PHACTR4: variants seen among roughly 807,000 people sequenced by gnomAD.
PHACTR4 encodes the protein phosphatase and actin regulator 4, also known as protein phosphatase 1, regulatory subunit 124.
PHACTR4 carries 51 observed loss-of-function variants against 72.7 expected under a neutral mutation model. The ratio of observed to expected loss-of-function variants is 0.70; its 90% CI spans 0.56 to 0.89. The LOEUF (loss-of-function observed/expected upper bound fraction) is 0.89. Ranked by LOEUF, PHACTR4 falls within the 40% of genes least tolerant of loss-of-function variation. PHACTR4 has a pLI of 0.00. For synonymous variants in PHACTR4, 255 were observed against 302.5 expected, an observed-to-expected ratio of 0.84 and a Z score of 1.63; for missense variants, 731 against 861.8, an observed-to-expected ratio of 0.85 and a Z score of 1.90.
At chr1:28,488,942 G>A (rs1351209335) in intron 9 of PHACTR4, among the ~76,000 whole-genome samples, 1 of 152,078 alleles carries the variant, frequency 6.6e-6, no homozygotes, top group East Asian at 1.9e-4. Flanking sequence ...CTAGAATCCT[G>A]GCCACTTGTT....
chr1:28,410,441 G>A (rs1235123547), intron 2 of PHACTR4, among the ~76,000 whole-genome samples: 1 of 152,118 alleles, frequency 6.6e-6, no homozygotes, highest in Admixed American at 6.5e-5. Flanking sequence ...TTCATTCTGA[G>A]TGACCTCCTT....
At chr1:28,401,554 G>A (rs778095180) in intron 1 of PHACTR4, among the ~76,000 whole-genome samples, 4 of 151,906 alleles carry the variant, frequency 2.6e-5, no homozygotes, top group Non-Finnish European at 4.4e-5. Flanking sequence ...CGATCTGCCC[G>A]CCTTGGCCTC....
rs1440261389 is a variant in PHACTR4, at chr1:28,498,338, A to G, written c.*1789A>G. On this transcript the variant is annotated 3_prime_UTR_variant, in exon 14 of 14. Coordinates refer to ENST00000373839, the MANE Select transcript of PHACTR4 (RefSeq NM_001048183.3). ...CTCTCCTGCTGCGTGCTTCCTCTTC[A>G]CTCCAGTGCTGATCCTCCTGCTCTC... 1.3e-5 allele frequency: 2 copies of G among 152,118 alleles called. No homozygotes were observed. Among genetic ancestry groups the G allele is most frequent in the Non-Finnish European group, 2.9e-5 (2 of 68,162 alleles). The allele number at this position is 152,118 out of a possible 1,614,324, so 9.4% of individuals were successfully genotyped here. A position where few individuals can be genotyped will look rare whatever the true frequency, so the allele number is the denominator to read the frequency against.
intron 3 of PHACTR4, 137 bp downstream of exon 3, chr1:28,459,395 CTTTTT>C (rs367934288): frequency 6.6e-3 from 1,852 of 280,508 alleles, no homozygotes; most frequent in Middle Eastern, 0.011. Context: ...TTTCCTTCTT[CTTTTT>C]TTTTTTTTTT....
At chr1:28,407,263 A>T in intron 1 of PHACTR4, 147 bp from the exon 2 acceptor site, 2 of 414,028 alleles carry the variant, frequency 4.8e-6, no homozygotes, top group East Asian at 7.5e-5. Context: ...AAAAAAAAAA[A>T]ACTATCATTT....
intron 2 of PHACTR4, among the ~76,000 whole-genome samples, chr1:28,416,131 C>G (rs1381639734): frequency 2.0e-5 from 3 of 152,108 alleles, no homozygotes; most frequent in Admixed American, 2.0e-4. Flanking sequence ...AGACAAAATA[C>G]AAGCTTAATT....
At chr1:28,377,465 C>G (rs1244160573) in intron 1 of PHACTR4, among the ~76,000 whole-genome samples, 1 of 151,512 alleles carries the variant, frequency 6.6e-6, no homozygotes, top group Non-Finnish European at 1.5e-5. Flanking sequence ...GTTTTGAACT[C>G]CTGACCTCAA....
intron 6 of PHACTR4, among the ~76,000 whole-genome samples, chr1:28,468,016 T>C (rs1659316163): frequency 6.6e-6 from 1 of 152,166 alleles, no homozygotes; most frequent in Admixed American, 6.6e-5. Flanking sequence ...ATAAAAACTA[T>C]ACTCATTAAA....
intron 1 of PHACTR4, among the ~76,000 whole-genome samples, chr1:28,375,331 C>A (rs868854357): frequency 6.5e-4 from 87 of 134,542 alleles, no homozygotes; most frequent in African/African-American, 2.1e-3. Context: ...ACCCACCCCC[C>A]CAAAAAAAAA....
chr1:28,451,427 G>C (rs780001866), intron 2 of PHACTR4, among the ~76,000 whole-genome samples: 16 of 149,196 alleles, frequency 1.1e-4, no homozygotes, highest in Non-Finnish European at 2.4e-4. Flanking sequence ...GGGTATTGCT[G>C]TGTTGCCCAG....
chr1:28,440,267 A>C (rs1316438244), intron 2 of PHACTR4, among the ~76,000 whole-genome samples: 1 of 133,536 alleles, frequency 7.5e-6, no homozygotes, highest in East Asian at 2.2e-4. Flanking sequence ...GTGCCACTGC[A>C]CTCCAGCCTG....
rs771435242 is a variant in PHACTR4 at position 28,466,529 on chromosome 1, C to T, written c.584C>T (p.Thr195Met). Reference sequence around the variant, plus strand: ...AAGGATGCCACTTCCTCTGGCGGCACGGCAAGGTTCATCATCTCCACCTCC... The same window carrying T: ...AAGGATGCCACTTCCTCTGGCGGCATGGCAAGGTTCATCATCTCCACCTCC... ...QAKDATSSGG[T>M]ARFIISTSIT... is the part of the protein sequence containing the mutation. Residue 195 changes from threonine to methionine, a missense_variant, in exon 6 of 14, where the codon ACG becomes ATG. Physicochemically the swap from Thr to Met is moderately conservative, Grantham distance 81. This residue lies in a region of PHACTR4 where 621 missense variants were observed against 676.6 expected (regional missense o/e 0.92). Transcript: ENST00000373839. 14 of 1,613,984 alleles carry T rather than the reference C, an allele frequency of 8.7e-6. No individual in the cohort carries two copies. Among genetic ancestry groups the T allele is most frequent in the African/African-American group, 2.7e-5 (2 of 74,878 alleles).
At chr1:28,417,405 A>C (rs1379851439) in intron 2 of PHACTR4, among the ~76,000 whole-genome samples, 1 of 152,248 alleles carries the variant, frequency 6.6e-6, no homozygotes, top group East Asian at 1.9e-4. Context: ...ACAATAACTA[A>C]TAATAAAATA....
rs765271793 is a variant in PHACTR4, at chr1:28,414,427, CA to C, written c.16+6986del. On this transcript the variant is annotated intron_variant, in intron 2 of 13. Transcript: ENST00000373839. ...TTTTGGGGTCAGTCTTCCTCTGTCTCAAAAAAAAAAAAAAAAAAAAAAGCAC... is the reference window on the plus strand; with the variant it reads ...TTTTGGGGTCAGTCTTCCTCTGTCTCAAAAAAAAAAAAAAAAAAAAAGCAC... 9.1e-3 allele frequency among the ~76,000 whole-genome samples: 560 copies of C among 61,212 alleles called. 3 individuals carry two copies. Among genetic ancestry groups the C allele is most frequent in the African/African-American group, 0.022 (446 of 20,144 alleles). 40.2% of individuals were successfully genotyped at this position (61,212 alleles called of 152,430 possible).
At chr1:28,441,763 C>T (rs529965596) in intron 2 of PHACTR4, among the ~76,000 whole-genome samples, 45 of 151,720 alleles carry the variant, frequency 3.0e-4, no homozygotes, top group African/African-American at 1.0e-3. Flanking sequence ...GGGAGGCTGA[C>T]GCAGGAGAAT....
At chr1:28,415,168 G>A (rs756258012) in intron 2 of PHACTR4, among the ~76,000 whole-genome samples, 1 of 151,812 alleles carries the variant, frequency 6.6e-6, no homozygotes, top group Non-Finnish European at 1.5e-5. Flanking sequence ...GGCTGAGGCA[G>A]GAGAATTGCT....
At chr1:28,454,601 C>T (rs1442844892) in intron 2 of PHACTR4, among the ~76,000 whole-genome samples, 1 of 152,084 alleles carries the variant, frequency 6.6e-6, no homozygotes, top group African/African-American at 2.4e-5. Context: ...ATACCTCTCT[C>T]AGTTACTGAT....
intron 8 of PHACTR4, 26 bp from the exon 9 acceptor site, chr1:28,480,425 C>T (rs754790876): frequency 1.2e-6 from 2 of 1,611,950 alleles, no homozygotes; most frequent in Non-Finnish European, 1.7e-6. Flanking sequence ...TCAAGTTCTA[C>T]ATTTTTTTCT....
chr1:28,492,909 G>A, intron 12 of PHACTR4, 106 bp from the exon 13 acceptor site: 2 of 900,534 alleles, frequency 2.2e-6, no homozygotes, highest in Non-Finnish European at 3.5e-6. Context: ...GCCTGTGAGG[G>A]GTTGCAGTGA....
Sources: gnomAD v4.1 joint callset for allele counts (sites outside exome capture counted in the v4.1 genomes callset) on GRCh38, gnomAD v4.1.1 for gene constraint, gnomAD v4.1.1 regional missense constraint, MANE v1.5 for transcripts, NCBI Gene and HGNC (gene_info 2026-07-23, HGNC 2026-07-21) for gene names.